Variants in PALM observed in about 807,000 individuals in gnomAD.
The protein encoded by PALM is paralemmin.
A neutral mutation model predicts 30.7 loss-of-function variants in PALM; 18 were observed. The ratio of observed to expected loss-of-function variants is 0.59; its 90% confidence interval spans 0.41 to 0.87. The LOEUF is 0.87. Ranked by LOEUF, PALM falls within the 40% of genes least tolerant of loss-of-function variation. PALM has a pLI of 0.00. For synonymous variants in PALM, 286 were observed against 242.8 expected (o/e 1.18, Z -1.66); for missense variants, 529 against 555.4 (o/e 0.95, Z 0.48).
intron 7 of PALM, among the ~76,000 whole-genome samples, chr19:736,831 A>G (rs967088618): frequency 2.0e-5 from 3 of 152,154 alleles, no homozygotes; most frequent in Admixed American, 6.6e-5. Flanking sequence ...AGGCGGGCAG[A>G]TCGCCTGAGG....
chr19:713,971 C>T (rs1214380296), intron 1 of PALM, among the ~76,000 whole-genome samples: 1 of 148,952 alleles, frequency 6.7e-6, no homozygotes, highest in African/African-American at 2.5e-5. Flanking sequence ...GTGGGGTGAT[C>T]TCGGCTCACT....
chr19:727,871 G>A, intron 4 of PALM, 177 bp downstream of exon 4: 1 of 628,778 alleles, frequency 1.6e-6, no homozygotes, highest in South Asian at 2.0e-5. Flanking sequence ...TCAGGTTGGG[G>A]CATCCACCTG....
At chr19:741,505 GGGGTGAGGGGAGA>G (rs2033193235) in intron 8 of PALM, among the ~76,000 whole-genome samples, 1 of 3,728 alleles carries the variant, frequency 2.7e-4, no homozygotes, top group South Asian at 0.014. Flanking sequence ...CTGGGCTGCA[GGGGTGAGGGGAGA>G]CGGGGTGAGG....
intron 6 of PALM, among the ~76,000 whole-genome samples, chr19:735,511 T>C (rs373712724): frequency 5.9e-4 from 28 of 47,502 alleles, no homozygotes; most frequent in African/African-American, 2.0e-3. Context: ...GGGTGGGATC[T>C]GTGTGTCTGA....
chr19:727,724 C>A (rs1236252762), intron 4 of PALM, 30 bp downstream of exon 4: 3 of 1,519,474 alleles, frequency 2.0e-6, no homozygotes, highest in Non-Finnish European at 1.8e-6. Context: ...TGCCACCGGG[C>A]TGGGTGGGGC....
At position 746,051 on chromosome 19, in the gene PALM, C is replaced by G. The variant is rs560579333; in HGVS notation, c.635-234C>G. Among the ~76,000 whole-genome samples, 1 of 152,318 alleles carries G rather than the reference C, an allele frequency of 6.6e-6. No homozygotes were observed. Among genetic ancestry groups the G allele is most frequent in the Non-Finnish European group, 1.5e-5 (1 of 68,022 alleles). On this transcript the variant is annotated intron_variant, in intron 8 of 8. Transcript: ENST00000338448. The surrounding 1 kb of genome is among the most constrained non-coding windows in gnomAD (Gnocchi z 7.1). ...CCAGCCTGGGCGACAGAGTGAGACT[C>G]CGTCTCAAAAAAAATTTTTTTTCCT...
intron 1 of PALM, among the ~76,000 whole-genome samples, chr19:718,452 G>A (rs997735173): frequency 1.3e-5 from 2 of 152,154 alleles, no homozygotes; most frequent in Admixed American, 6.5e-5. Flanking sequence ...GGCCTCTGCA[G>A]CAGGGTTTGC....
At chr19:729,022 T>TA (rs2032784017) in intron 4 of PALM, among the ~76,000 whole-genome samples, 1 of 149,242 alleles carries the variant, frequency 6.7e-6, no homozygotes, top group East Asian at 2.0e-4. Flanking sequence ...AATAAATAAA[T>TA]AAAAATAAAG....
In PALM at chr19:709,080, TCCCCCGCGCGCCACCCGCGCCCG is replaced by T; in HGVS notation, c.-59_-37del. On this transcript the variant is annotated 5_prime_UTR_variant, in exon 1 of 9. Coordinates refer to ENST00000338448, the MANE Select transcript of PALM (RefSeq NM_002579.3). This position sits in a 1 kb window ranked among gnomAD's most constrained non-coding sequence, Gnocchi z 4.3. The stretch of plus-strand genomic sequence containing the variant: ...CAGGCCGCGTCCCCCTCCCCTCCCC[TCCCCCGCGCGCCACCCGCGCCCG>T]CCCCCGCCCGGCACCGCGGACCCAC... 4.6e-6 allele frequency: 1 copy of T among 217,858 alleles called. No individual in the cohort carries two copies. Among genetic ancestry groups the T allele is most frequent in the Non-Finnish European group, 8.8e-6 (1 of 114,256 alleles). 13.5% of individuals were successfully genotyped at this position (217,858 alleles called of 1,614,324 possible).
chr19:717,598 C>T (rs562468741), intron 1 of PALM, among the ~76,000 whole-genome samples: 6 of 152,286 alleles, frequency 3.9e-5, no homozygotes, highest in South Asian at 4.2e-4. Context: ...AGTTACCCCC[C>T]GAGATGGTTG....
chr19:721,833 G>T (rs1375479251), intron 1 of PALM, among the ~76,000 whole-genome samples: 1 of 150,706 alleles, frequency 6.6e-6, no homozygotes, highest in Non-Finnish European at 1.5e-5. Context: ...CCTGACCTCA[G>T]GTGATCCACC....
chr19:714,195 G>A (rs1372966462), intron 1 of PALM, among the ~76,000 whole-genome samples: 7 of 150,166 alleles, frequency 4.7e-5, no homozygotes, highest in African/African-American at 7.4e-5. Flanking sequence ...GTGAGCCACC[G>A]CGCCCGGCTT....
intron 3 of PALM, 106 bp from the exon 4 acceptor site, chr19:727,458 G>T: frequency 2.3e-6 from 2 of 865,422 alleles, no homozygotes; most frequent in East Asian, 2.7e-5. Context: ...CCCCAACCTT[G>T]GTCCTGCCTC....
At chr19:727,433 C>T in intron 3 of PALM, 131 bp from the exon 4 acceptor site, 1 of 719,152 alleles carries the variant, frequency 1.4e-6, no homozygotes, top group Non-Finnish European at 2.4e-6. Context: ...GCACTGATCC[C>T]AACCATAACC....
chr19:730,254 C>T (rs1481896024), intron 4 of PALM, among the ~76,000 whole-genome samples: 2 of 152,206 alleles, frequency 1.3e-5, no homozygotes, highest in African/African-American at 4.8e-5. Flanking sequence ...AAGTCTGGCT[C>T]TGTGTCCAAC....
intron 7 of PALM, among the ~76,000 whole-genome samples, chr19:738,419 G>A (rs373503759): frequency 3.0e-4 from 46 of 152,166 alleles, no homozygotes; most frequent in South Asian, 1.2e-3. Context: ...CCAGCTGCTC[G>A]GGAGCCTTAG....
intron 8 of PALM, among the ~76,000 whole-genome samples, chr19:745,857 G>A (rs62131308): frequency 0.03 from 4,498 of 152,112 alleles, 105 homozygotes; most frequent in African/African-American, 0.067. Flanking sequence ...TCAGGAGTTC[G>A]AGACCAGCCT....
chr19:721,982 A>G (rs970448838), intron 1 of PALM, among the ~76,000 whole-genome samples: 23 of 150,748 alleles, frequency 1.5e-4, no homozygotes, highest in Admixed American at 7.9e-4. Context: ...GCAGTGGCGC[A>G]ATCTCGGCTC....
rs2031976194 is a variant in PALM, at chr19:708,958, A to C, written c.-189A>C. 1 of 146,626 alleles carries C rather than the reference A, an allele frequency of 6.8e-6. No individual in the cohort carries two copies. Among genetic ancestry groups the C allele is most frequent in the Admixed American group, 6.8e-5 (1 of 14,710 alleles). 9.1% of individuals were successfully genotyped at this position (146,626 alleles called of 1,614,324 possible). A position where few individuals can be genotyped will look rare whatever the true frequency, so the allele number is the denominator to read the frequency against. On this transcript the variant is annotated 5_prime_UTR_variant, in exon 1 of 9. Coordinates refer to ENST00000338448, the MANE Select transcript of PALM (RefSeq NM_002579.3). ...CCGCGCCCGCCGCCGCCCGGACAATAAACAGCAGCTTTGCGCGGGGCGATG... is the reference window on the plus strand; with the variant it reads ...CCGCGCCCGCCGCCGCCCGGACAATCAACAGCAGCTTTGCGCGGGGCGATG...
Sources: allele counts gnomAD v4.1 joint callset (sites outside exome capture counted in the v4.1 genomes callset), GRCh38; gene constraint gnomAD v4.1.1; non-coding constraint Gnocchi (gnomAD v3.1); transcripts MANE v1.5; gene names NCBI Gene and HGNC (gene_info 2026-07-23, HGNC 2026-07-21).